The following SCRG1 variants were observed in gnomAD, a reference collection of about 807,000 sequenced individuals.
The protein encoded by SCRG1 is scrapie-responsive protein 1.
Under a neutral mutation model 7.7 loss-of-function variants are expected in SCRG1, and 3 were observed. The ratio of observed to expected loss-of-function variants is 0.39; its 90% CI spans 0.18 to 1.01. The LOEUF is 1.01. Among genes scored for constraint, SCRG1 ranks in the 50% least tolerant of loss-of-function variants. The pLI is 0.36. For missense variants in SCRG1, 110 were observed against 117.2 expected (o/e 0.94, Z 0.28); for synonymous variants, 46 against 41.2 (o/e 1.12, Z -0.44).
the SCRG1 span, among the ~76,000 whole-genome samples, chr4:173,423,577 T>TA: frequency 9.9e-5 from 15 of 152,120 alleles, no homozygotes; most frequent in South Asian, 8.3e-4. Context: ...CTATTAATAA[T>TA]AAAAAAACCT....
chr4:173,437,000 A>G, the SCRG1 span, among the ~76,000 whole-genome samples: 17 of 152,282 alleles, frequency 1.1e-4, no homozygotes, highest in East Asian at 2.3e-3. Context: ...ATTTGCTTCC[A>G]TACCCAAAAT....
chr4:173,464,659 A>T, the SCRG1 span, among the ~76,000 whole-genome samples: 276 of 152,340 alleles, frequency 1.8e-3, 6 homozygotes, highest in South Asian at 0.054. Context: ...AAAGTGGCAC[A>T]GCTGCTGTGA....
the SCRG1 span, among the ~76,000 whole-genome samples, chr4:173,488,868 T>A: frequency 6.6e-6 from 1 of 152,196 alleles, no homozygotes; most frequent in East Asian, 1.9e-4. Context: ...TTACTCCAAC[T>A]CTAACTCATG....
the SCRG1 span, among the ~76,000 whole-genome samples, chr4:173,466,439 T>A: frequency 6.6e-6 from 1 of 152,026 alleles, no homozygotes; most frequent in East Asian, 1.9e-4. Context: ...TTCCATGGTC[T>A]TTCAGTTGGG....
chr4:173,506,691 G>T, the SCRG1 span, among the ~76,000 whole-genome samples: 3 of 152,116 alleles, frequency 2.0e-5, no homozygotes, highest in Non-Finnish European at 4.4e-5. This position sits in a 1 kb window ranked among gnomAD's most constrained non-coding sequence, Gnocchi z 5.3. Flanking sequence ...AGCGACGGAG[G>T]ACCACCTCTA....
chr4:173,464,714 A>T, the SCRG1 span, among the ~76,000 whole-genome samples: 3 of 152,204 alleles, frequency 2.0e-5, no homozygotes, highest in Non-Finnish European at 4.4e-5. Context: ...TGAAACCGCT[A>T]AATAACTCAG....
chr4:173,493,063 A>C, the SCRG1 span, among the ~76,000 whole-genome samples: 1 of 152,150 alleles, frequency 6.6e-6, no homozygotes, highest in African/African-American at 2.4e-5. Flanking sequence ...CAAGATGGGA[A>C]GTCTCAGAAG....
At chr4:173,516,941 C>T in the SCRG1 span, among the ~76,000 whole-genome samples, 1 of 152,262 alleles carries the variant, frequency 6.6e-6, no homozygotes, top group South Asian at 2.1e-4. Flanking sequence ...AGAAAGGAAA[C>T]GGCAAGAGGA....
Position 173,386,710 on chromosome 4 carries a change from G to A in SCRG1, c.*1631C>T, listed in dbSNP as rs2126910691. ...TAAAATGATATCTCCCAGATTGCCT[G>A]TGTGGTATGGTGTCTCTCAAACATT... On this transcript the variant is annotated 3_prime_UTR_variant, in exon 3 of 3. Transcript: ENST00000296506. 1 of 152,296 alleles carries A rather than the reference G, an allele frequency of 6.6e-6. No homozygotes were observed. Among genetic ancestry groups the A allele is most frequent in the East Asian group, 1.9e-4 (1 of 5,182 alleles). 9.4% of individuals were successfully genotyped at this position (152,296 alleles called of 1,614,324 possible). A position where few individuals can be genotyped will look rare whatever the true frequency, so the allele number is the denominator to read the frequency against.
the SCRG1 span, among the ~76,000 whole-genome samples, chr4:173,417,151 G>C: frequency 6.7e-5 from 10 of 150,296 alleles, no homozygotes; most frequent in East Asian, 5.8e-4. Context: ...CAGACAGACA[G>C]ACACACACAC....
At position 173,386,090 on chromosome 4, in the gene SCRG1, A is replaced by G. The variant is rs1254971357; in HGVS notation, c.*2251T>C. 3 of 152,156 alleles carry G rather than the reference A, an allele frequency of 2.0e-5. No individual in the cohort carries two copies. Among genetic ancestry groups the G allele is most frequent in the Non-Finnish European group, 4.4e-5 (3 of 68,022 alleles). 9.4% of individuals were successfully genotyped at this position (152,156 alleles called of 1,614,324 possible). On this transcript the variant is annotated 3_prime_UTR_variant, in exon 3 of 3. Coordinates refer to ENST00000296506, the MANE Select transcript of SCRG1 (RefSeq NM_007281.4). ...TTTACAATTTCACTTCATGTATTTTATAGGAGCTTACACTGTTCGAAAACA... is the reference window on the plus strand; with the variant it reads ...TTTACAATTTCACTTCATGTATTTTGTAGGAGCTTACACTGTTCGAAAACA...
the SCRG1 span, among the ~76,000 whole-genome samples, chr4:173,495,688 C>T: frequency 6.6e-6 from 1 of 152,184 alleles, no homozygotes; most frequent in Admixed American, 6.5e-5. Flanking sequence ...AATAACTTTC[C>T]TAAAATCTTG....
chr4:173,448,198 TTC>T, the SCRG1 span, among the ~76,000 whole-genome samples: 2 of 152,314 alleles, frequency 1.3e-5, no homozygotes, highest in Non-Finnish European at 2.9e-5. Flanking sequence ...GCAACTTCTT[TTC>T]ATTTTATTTT....
the SCRG1 span, among the ~76,000 whole-genome samples, chr4:173,485,491 C>A: frequency 6.6e-6 from 1 of 151,648 alleles, no homozygotes; most frequent in Admixed American, 6.6e-5. Flanking sequence ...ACAAACCCAG[C>A]AGAAGAACTA....
chr4:173,433,636 C>T, the SCRG1 span, among the ~76,000 whole-genome samples: 1 of 152,188 alleles, frequency 6.6e-6, no homozygotes, highest in Non-Finnish European at 1.5e-5. Context: ...TCCCTTCTTT[C>T]TGTTTGCTTG....
At chr4:173,519,128 G>GA in the SCRG1 span, among the ~76,000 whole-genome samples, 1 of 133,564 alleles carries the variant, frequency 7.5e-6, no homozygotes, top group African/African-American at 3.0e-5. Context: ...TAAATGCAGA[G>GA]AAAAAATAGA....
At chr4:173,482,747 G>A in the SCRG1 span, among the ~76,000 whole-genome samples, 1 of 151,380 alleles carries the variant, frequency 6.6e-6, no homozygotes, top group East Asian at 1.9e-4. Context: ...GAGCCCAGGA[G>A]GTCAAGGCTG....
At chr4:173,430,206 C>T in the SCRG1 span, among the ~76,000 whole-genome samples, 1 of 152,040 alleles carries the variant, frequency 6.6e-6, no homozygotes, top group Non-Finnish European at 1.5e-5. Context: ...TTGTGCTTGG[C>T]CTGATCTACT....
chr4:173,495,558 T>C, the SCRG1 span, among the ~76,000 whole-genome samples: 1 of 152,226 alleles, frequency 6.6e-6, no homozygotes, highest in East Asian at 1.9e-4. Context: ...ATAAGAATGA[T>C]TCATGTACAT....
Sources: gnomAD v4.1 joint callset for allele counts (sites outside exome capture counted in the v4.1 genomes callset) on GRCh38, gnomAD v4.1.1 for gene constraint, Gnocchi (gnomAD v3.1) non-coding constraint, MANE v1.5 for transcripts, NCBI Gene and HGNC (gene_info 2026-07-23, HGNC 2026-07-21) for gene names.